The following AOPEP variants were observed in gnomAD, a reference collection of about 807,000 sequenced individuals.
AOPEP encodes the protein aminopeptidase O (putative).
In AOPEP, 77 loss-of-function variants were observed where a neutral mutation model predicts 98.1. The observed-to-expected ratio is 0.78, with a 90% CI of 0.65 to 0.95. The LOEUF (loss-of-function observed/expected upper bound fraction) is 0.95. AOPEP is among the 40% of genes least tolerant of loss of function. The probability of loss-of-function intolerance (pLI) is 0.00; values close to 1 mark genes in which losing one functional copy is unlikely to be tolerated. For missense variants in AOPEP, 1,024 were observed against 1,024.7 expected, an observed-to-expected ratio of 1.00 and a Z score of 0.01; for synonymous variants, 346 against 365.3, an observed-to-expected ratio of 0.95 and a Z score of 0.60.
At chr9:94,957,953 A>G (rs577992414) in intron 9 of AOPEP, among the ~76,000 whole-genome samples, 26 of 152,168 alleles carry the variant, frequency 1.7e-4, no homozygotes, top group Non-Finnish European at 2.6e-4. Context: ...TTTTAAGTTC[A>G]CAGGTCAGTG....
chr9:94,926,060 C>A (rs1458369943), intron 6 of AOPEP, among the ~76,000 whole-genome samples: 4 of 152,212 alleles, frequency 2.6e-5, no homozygotes, highest in African/African-American at 9.7e-5. Context: ...GAGTGCCTCC[C>A]TTCTGAGACT....
At chr9:94,921,177 G>A (rs975222895) in intron 5 of AOPEP, 4 of 152,136 alleles carry the variant, frequency 2.6e-5, no homozygotes, top group Admixed American at 6.5e-5. Context: ...TCTGGCATTT[G>A]TAGAGGCAGT....
At chr9:95,141,513 T>A in the AOPEP span, among the ~76,000 whole-genome samples, 8 of 152,160 alleles carry the variant, frequency 5.3e-5, no homozygotes, top group Admixed American at 6.5e-5. Flanking sequence ...ATTTTCCTTA[T>A]CTAAGTTGAA....
At position 94,969,748 on chromosome 9, in the gene AOPEP, C is replaced by T. The variant is rs193095084; in HGVS notation, c.1916+1947C>T. 1.4e-4 allele frequency among the ~76,000 whole-genome samples: 22 copies of T among 152,294 alleles called. No homozygotes were observed. In the East Asian group the frequency reaches 3.1e-3, roughly 21 times the overall value. On this transcript the variant is annotated intron_variant, in intron 10 of 16. Transcript: ENST00000375315. Reference sequence around the variant, plus strand: ...GCAAAATTGGTATTCAAACATTAAACGGAGGCATCTTGAGAAATTAAACAT... The same window carrying T: ...GCAAAATTGGTATTCAAACATTAAATGGAGGCATCTTGAGAAATTAAACAT...
chr9:95,082,805 A>G (rs2069992397), intron 16 of AOPEP, 86 bp downstream of exon 16: 2 of 1,454,800 alleles, frequency 1.4e-6, no homozygotes, highest in Non-Finnish European at 1.9e-6. Flanking sequence ...CCGAATAGTT[A>G]GCCAAGACTA....
chr9:94,985,933 C>T (rs891835881), intron 11 of AOPEP, among the ~76,000 whole-genome samples: 12 of 152,234 alleles, frequency 7.9e-5, no homozygotes, highest in African/African-American at 2.2e-4. Context: ...CTCTACTGCT[C>T]AGCAGAATCA....
chr9:95,022,592 G>C (rs1408385494), intron 13 of AOPEP, among the ~76,000 whole-genome samples: 1 of 151,976 alleles, frequency 6.6e-6, no homozygotes, highest in African/African-American at 2.4e-5. Flanking sequence ...GCCCGCCTTG[G>C]CCTCCCAAAG....
chr9:94,938,548 A>C (rs1357192009), intron 7 of AOPEP, among the ~76,000 whole-genome samples: 3 of 152,194 alleles, frequency 2.0e-5, no homozygotes, highest in African/African-American at 7.2e-5. Flanking sequence ...AGAGGAATTC[A>C]AGGAGCAAAG....
intron 9 of AOPEP, among the ~76,000 whole-genome samples, chr9:94,957,901 A>G (rs1297462964): frequency 2.6e-5 from 4 of 152,198 alleles, no homozygotes; most frequent in Non-Finnish European, 5.9e-5. Flanking sequence ...TGTTCATTTA[A>G]TTGTAATAAA....
chr9:95,007,135 C>T (rs1194868080), intron 13 of AOPEP, among the ~76,000 whole-genome samples: 4 of 152,062 alleles, frequency 2.6e-5, no homozygotes, highest in Non-Finnish European at 5.9e-5. Flanking sequence ...CTCCTGACTT[C>T]GTGATCTGCC....
At chr9:94,744,191 G>A (rs1422221039) in intron 1 of AOPEP, among the ~76,000 whole-genome samples, 3 of 151,894 alleles carry the variant, frequency 2.0e-5, no homozygotes, top group Non-Finnish European at 4.4e-5. Flanking sequence ...AGGAGATTGA[G>A]ACCATCCTGG....
chr9:95,093,129 G>C, the AOPEP span, among the ~76,000 whole-genome samples: 1 of 152,028 alleles, frequency 6.6e-6, no homozygotes, highest in African/African-American at 2.4e-5. Flanking sequence ...TTTGATGATT[G>C]TATCTGCTTT....
chr9:94,953,327 G>A (rs1323959992), intron 7 of AOPEP, among the ~76,000 whole-genome samples: 1 of 152,174 alleles, frequency 6.6e-6, no homozygotes, highest in Non-Finnish European at 1.5e-5. Flanking sequence ...GGATCGAGTA[G>A]AAAAATGAAA....
intron 5 of AOPEP, among the ~76,000 whole-genome samples, chr9:94,818,014 G>A (rs1395774032): frequency 6.6e-6 from 1 of 152,166 alleles, no homozygotes; most frequent in African/African-American, 2.4e-5. Context: ...ACAAGCTATA[G>A]GATGTTACCC....
intron 5 of AOPEP, among the ~76,000 whole-genome samples, chr9:94,847,987 T>G (rs2043062007): frequency 6.6e-6 from 1 of 152,236 alleles, no homozygotes; most frequent in African/African-American, 2.4e-5. Context: ...ACTTAGGCTT[T>G]AATGTTCAGG....
At chr9:94,892,309 A>G (rs2048967825) in intron 5 of AOPEP, among the ~76,000 whole-genome samples, 1 of 151,962 alleles carries the variant, frequency 6.6e-6, no homozygotes, top group African/African-American at 2.4e-5. Flanking sequence ...ATCTTTTATT[A>G]TTTTCCCACA....
At chr9:94,752,436 A>G (rs1340336777) in intron 1 of AOPEP, among the ~76,000 whole-genome samples, 1 of 152,190 alleles carries the variant, frequency 6.6e-6, no homozygotes, top group Admixed American at 6.5e-5. Flanking sequence ...CAGTAAATGC[A>G]TGCTAATAAC....
chr9:94,949,088 G>C (rs1455241340), intron 7 of AOPEP, among the ~76,000 whole-genome samples: 1 of 152,210 alleles, frequency 6.6e-6, no homozygotes, highest in Non-Finnish European at 1.5e-5. Flanking sequence ...TCTCTTTTGA[G>C]AATGTGTCTA....
chr9:94,752,448 A>G (rs1032693063), intron 1 of AOPEP, among the ~76,000 whole-genome samples: 3 of 152,130 alleles, frequency 2.0e-5, no homozygotes, highest in Non-Finnish European at 4.4e-5. Flanking sequence ...GCTAATAACA[A>G]AATTCTTTCT....
Sources: gnomAD v4.1 joint callset for allele counts (sites outside exome capture counted in the v4.1 genomes callset) on GRCh38, gnomAD v4.1.1 for gene constraint, MANE v1.5 for transcripts, NCBI Gene and HGNC (gene_info 2026-07-23, HGNC 2026-07-21) for gene names.